The following AGAP1 variants were observed in gnomAD, a reference collection of about 807,000 sequenced individuals.
AGAP1 encodes the protein arf-GAP with GTPase, ANK repeat and PH domain-containing protein 1.
Under a neutral mutation model 105.3 loss-of-function variants are expected in AGAP1, and 29 were observed. The observed-to-expected ratio is 0.28, with a 90% CI of 0.21 to 0.38. The LOEUF (loss-of-function observed/expected upper bound fraction) is 0.38, where lower values mean the gene tolerates loss of function less well. Among genes scored for constraint, AGAP1 ranks in the 10% least tolerant of loss-of-function variants. The pLI is 1.00. For missense variants in AGAP1, 998 were observed against 1,165.1 expected (o/e 0.86, Z 2.09); for synonymous variants, 509 against 485.9 (o/e 1.05, Z -0.63).
chr2:235,758,191 TAAG>T (rs35350261), intron 6 of AGAP1, among the ~76,000 whole-genome samples: 4,715 of 152,198 alleles, frequency 0.031, 244 homozygotes, highest in African/African-American at 0.11. Context: ...CTTCAAAAAA[TAAG>T]ATTTTTTACA....
chr2:235,810,436 C>G (rs1422781617), intron 9 of AGAP1, among the ~76,000 whole-genome samples: 1 of 152,276 alleles, frequency 6.6e-6, no homozygotes, highest in South Asian at 2.1e-4. Context: ...CAGCAACCTG[C>G]GTGGAGTTGC....
At position 236,045,500 on chromosome 2, in the gene AGAP1, C is replaced by G. The variant is rs894216506; in HGVS notation, c.1892-3559C>G. ...TCATTTCTCTGGAGGGGAGCTGAGG[C>G]CCGGAGAGCAAGAGGCTTGCAGAGG... is the stretch of plus-strand genomic sequence containing the variant. On this transcript the variant is annotated intron_variant, in intron 15 of 17. Coordinates refer to ENST00000304032, the MANE Select transcript of AGAP1 (RefSeq NM_001037131.3). The surrounding 1 kb of genome is among the most constrained non-coding windows in gnomAD (Gnocchi z 6.9). Among the ~76,000 whole-genome samples the G allele has an allele frequency of 1.3e-5, 2 of 152,202 alleles. No homozygotes were observed. The highest frequency in any genetic ancestry group is 4.8e-5 in the African/African-American group (2 of 41,454).
At chr2:235,944,551 C>G (rs1292864427) in intron 12 of AGAP1, among the ~76,000 whole-genome samples, 1 of 152,216 alleles carries the variant, frequency 6.6e-6, no homozygotes, top group East Asian at 1.9e-4. Context: ...AACTCAACTT[C>G]AAACCAGCTG....
At chr2:235,819,682 G>T (rs574266641) in intron 9 of AGAP1, among the ~76,000 whole-genome samples, 1 of 151,890 alleles carries the variant, frequency 6.6e-6, no homozygotes, top group African/African-American at 2.4e-5. Flanking sequence ...ATGCCCGTCC[G>T]ATCTTGGGAT....
rs933572581 is a variant in AGAP1 at position 236,009,959 on chromosome 2, A to C, written c.1646-26602A>C. On this transcript the variant is annotated intron_variant, in intron 13 of 17. Coordinates refer to ENST00000304032, the MANE Select transcript of AGAP1 (RefSeq NM_001037131.3). This position sits in a 1 kb window ranked among gnomAD's most constrained non-coding sequence, Gnocchi z 4.2. ...GGTTTCCTGGTACAATGATGGAGGA[A>C]GAGTTTGGAATAAAACCCTGCTCGT... Among the ~76,000 whole-genome samples the C allele has an allele frequency of 6.6e-6, 1 of 152,158 alleles. No individual in the cohort carries two copies. The highest frequency in any genetic ancestry group is 2.4e-5 in the African/African-American group (1 of 41,442).
chr2:236,011,780 C>T (rs1287803521), intron 13 of AGAP1, among the ~76,000 whole-genome samples: 1 of 151,956 alleles, frequency 6.6e-6, no homozygotes, highest in Admixed American at 6.6e-5. Flanking sequence ...ATTGCTAGTC[C>T]CCCTGAAGTC....
chr2:236,118,229 A>T (rs958090337), intron 16 of AGAP1, among the ~76,000 whole-genome samples: 13 of 152,130 alleles, frequency 8.5e-5, no homozygotes, highest in Non-Finnish European at 1.3e-4. Context: ...GGAAGCCCTG[A>T]GTGATTTCTC....
At chr2:236,093,179 A>G (rs1411420322) in intron 16 of AGAP1, among the ~76,000 whole-genome samples, 1 of 152,260 alleles carries the variant, frequency 6.6e-6, no homozygotes, top group Non-Finnish European at 1.5e-5. Context: ...GTCAAGGATC[A>G]TCAACTGAAG....
At chr2:235,760,774 A>G (rs1205481557) in intron 6 of AGAP1, among the ~76,000 whole-genome samples, 1 of 152,080 alleles carries the variant, frequency 6.6e-6, no homozygotes, top group Non-Finnish European at 1.5e-5. Context: ...TTTTGTAGAG[A>G]TGAGGGTCTC....
rs915738257 is a variant in AGAP1, at chr2:236,003,786, CTT to C, written c.1646-32764_1646-32763del. Among the ~76,000 whole-genome samples the C allele has an allele frequency of 1.4e-5, 2 of 146,922 alleles. No homozygotes were observed. The highest frequency in any genetic ancestry group is 5.0e-5 in the African/African-American group (2 of 40,370). ...TGGAGGGGTCACTGCTGTCCTACCA[CTT>C]TTTTTTTTTTCTGGAAGTTTGCATG... On this transcript the variant is annotated intron_variant, in intron 13 of 17. Transcript: ENST00000304032. This position sits in a 1 kb window ranked among gnomAD's most constrained non-coding sequence, Gnocchi z 4.2.
At chr2:235,735,963 G>A (rs527532520) in intron 3 of AGAP1, among the ~76,000 whole-genome samples, 1 of 152,024 alleles carries the variant, frequency 6.6e-6, no homozygotes, top group East Asian at 1.9e-4. Context: ...AGAAAGCCAA[G>A]CCCAGAAGGG....
At chr2:235,990,720 C>T (rs1181896882) in intron 13 of AGAP1, among the ~76,000 whole-genome samples, 1 of 152,146 alleles carries the variant, frequency 6.6e-6, no homozygotes, top group Non-Finnish European at 1.5e-5. Context: ...CACTTAGGGT[C>T]TAGGGTAGCA....
At chr2:235,509,974 G>A (rs1055292241) in intron 1 of AGAP1, among the ~76,000 whole-genome samples, 2 of 152,046 alleles carry the variant, frequency 1.3e-5, no homozygotes, top group Admixed American at 6.6e-5. Flanking sequence ...AAACCCTGCT[G>A]TGAACAGCAC....
At chr2:235,852,806 G>C in intron 9 of AGAP1, 1 of 1,523,080 alleles carries the variant, frequency 6.6e-7, no homozygotes, top group Non-Finnish European at 8.8e-7. Flanking sequence ...CCCGCATTGT[G>C]CTGAAGGCCC....
chr2:235,595,503 C>A (rs1945497331), intron 1 of AGAP1, among the ~76,000 whole-genome samples: 1 of 152,192 alleles, frequency 6.6e-6, no homozygotes, highest in African/African-American at 2.4e-5. Flanking sequence ...ATAGCACTTT[C>A]AATTATGCTG....
chr2:235,927,684 G>A lies in AGAP1; in HGVS notation c.1325-3081G>A, dbSNP rs2052520871. Among the ~76,000 whole-genome samples, 1 of 152,228 alleles carries A rather than the reference G, an allele frequency of 6.6e-6. No individual in the cohort carries two copies. Among genetic ancestry groups the A allele is most frequent in the South Asian group, 2.1e-4 (1 of 4,828 alleles). On this transcript the variant is annotated intron_variant, in intron 11 of 17. Transcript: ENST00000304032. This position sits in a 1 kb window ranked among gnomAD's most constrained non-coding sequence, Gnocchi z 4.4. ...TCTGGAGCTTTATTGCAAGTAGTCAGTGATGGATGCACTGAAATACTGTCC... is the reference window on the plus strand; with the variant it reads ...TCTGGAGCTTTATTGCAAGTAGTCAATGATGGATGCACTGAAATACTGTCC...
intron 16 of AGAP1, among the ~76,000 whole-genome samples, chr2:236,063,858 TCAAC>T (rs1012608944): frequency 6.6e-6 from 1 of 152,206 alleles, no homozygotes; most frequent in Non-Finnish European, 1.5e-5. Context: ...CAAAATTTCA[TCAAC>T]CAGGGGTCTG....
In AGAP1 at chr2:235,547,045, G is replaced by A. The variant is rs1365088519; in HGVS notation, c.163+52196G>A. ...GATGCTTCCCCACAGAGATCTGGGA[G>A]CCTTTGACTGTTGAACAGGGAAAAA... On this transcript the variant is annotated intron_variant, in intron 1 of 17. Coordinates refer to ENST00000304032, the MANE Select transcript of AGAP1 (RefSeq NM_001037131.3). 2.0e-5 allele frequency among the ~76,000 whole-genome samples: 3 copies of A among 152,188 alleles called. No individual in the cohort carries two copies. The East Asian group carries it at 5.8e-4, about 29-fold the overall frequency.
intron 6 of AGAP1, among the ~76,000 whole-genome samples, chr2:235,781,067 A>G (rs1956231574): frequency 6.6e-6 from 1 of 152,226 alleles, no homozygotes; most frequent in Non-Finnish European, 1.5e-5. Flanking sequence ...AACCTGTGAT[A>G]TTAGTCATTG....
Sources: gnomAD v4.1 joint callset for allele counts (sites outside exome capture counted in the v4.1 genomes callset) on GRCh38, gnomAD v4.1.1 for gene constraint, Gnocchi (gnomAD v3.1) non-coding constraint, MANE v1.5 for transcripts, NCBI Gene and HGNC (gene_info 2026-07-23, HGNC 2026-07-21) for gene names.